CAMSAP2: variants seen among roughly 807,000 people sequenced by gnomAD.
CAMSAP2 encodes calmodulin regulated spectrin associated protein family member 2.
Under a neutral mutation model 146.1 loss-of-function variants are expected in CAMSAP2, and 26 were observed. That is an observed-to-expected ratio of 0.18 (90% CI 0.13 to 0.25). CAMSAP2 has a LOEUF of 0.25. Ranked by LOEUF, CAMSAP2 falls within the 10% of genes least tolerant of loss-of-function variation. The pLI is 1.00. For synonymous variants in CAMSAP2, 499 were observed against 596.6 expected, an observed-to-expected ratio of 0.84 and a Z score of 2.38; for missense variants, 1,381 against 1,759.3, an observed-to-expected ratio of 0.78 and a Z score of 3.85.
intron 3 of CAMSAP2, among the ~76,000 whole-genome samples, chr1:200,808,831 T>C (rs1016138267): frequency 6.6e-6 from 1 of 152,252 alleles, no homozygotes; most frequent in Non-Finnish European, 1.5e-5. Context: ...TTATTGGACT[T>C]CATATTTGTC....
chr1:200,801,205 G>A (rs926946544), intron 2 of CAMSAP2, among the ~76,000 whole-genome samples: 3 of 151,762 alleles, frequency 2.0e-5, no homozygotes, highest in South Asian at 2.1e-4. Flanking sequence ...TGGAGGTTGC[G>A]GTGAGCTGAG....
intron 14 of CAMSAP2, 138 bp from the exon 15 acceptor site, chr1:200,855,872 G>C: frequency 1.7e-6 from 1 of 604,068 alleles, no homozygotes. Context: ...TGGGATTACA[G>C]GCATGAGCCA....
intron 2 of CAMSAP2, among the ~76,000 whole-genome samples, chr1:200,783,441 A>T (rs893301514): frequency 7.2e-5 from 11 of 152,138 alleles, no homozygotes; most frequent in African/African-American, 2.4e-4. Context: ...TGACAAATAC[A>T]TGCATTGCAG....
At chr1:200,779,792 T>C (rs1407130406) in intron 2 of CAMSAP2, among the ~76,000 whole-genome samples, 2 of 152,170 alleles carry the variant, frequency 1.3e-5, no homozygotes, top group African/African-American at 2.4e-5. Context: ...TGGTCTTATA[T>C]CTCAGATTGG....
chr1:200,842,897 A>G (rs1667362268), intron 7 of CAMSAP2, among the ~76,000 whole-genome samples: 1 of 151,090 alleles, frequency 6.6e-6, no homozygotes. Flanking sequence ...AGTTACTTGA[A>G]CCCAGGAGGC....
At chr1:200,763,409 C>T (rs776844522) in intron 2 of CAMSAP2, among the ~76,000 whole-genome samples, 16 of 151,868 alleles carry the variant, frequency 1.1e-4, no homozygotes, top group African/African-American at 2.2e-4. Context: ...TGTGGTAGTG[C>T]GCGCCTGTAG....
chr1:200,852,747 G>T, intron 12 of CAMSAP2, 70 bp downstream of exon 12: 1 of 1,490,998 alleles, frequency 6.7e-7, no homozygotes, highest in East Asian at 2.3e-5. Context: ...AGAAAAAGTT[G>T]GTAAGTACTC....
At chr1:200,760,609 T>A (rs561299180) in intron 1 of CAMSAP2, among the ~76,000 whole-genome samples, 3 of 152,350 alleles carry the variant, frequency 2.0e-5, no homozygotes, top group African/African-American at 7.2e-5. Context: ...TGTCTTGTAG[T>A]CCCTTTTTGG....
At chr1:200,768,810 C>A (rs763717670) in intron 2 of CAMSAP2, among the ~76,000 whole-genome samples, 1 of 151,940 alleles carries the variant, frequency 6.6e-6, no homozygotes, top group Non-Finnish European at 1.5e-5. Flanking sequence ...TGTGCCACCA[C>A]GCCTGGCTAA....
chr1:200,838,016 AAAG>A (rs1419103940), intron 6 of CAMSAP2, among the ~76,000 whole-genome samples: 1 of 152,170 alleles, frequency 6.6e-6, no homozygotes, highest in East Asian at 1.9e-4. Context: ...TAAAAGAAGG[AAAG>A]AAGAAGCTTT....
rs1664093166 is a variant in CAMSAP2 at position 200,739,700 on chromosome 1, G to T, written c.-128G>T. 1 of 878,220 alleles carries T rather than the reference G, an allele frequency of 1.1e-6. No individual in the cohort carries two copies. Among genetic ancestry groups the T allele is most frequent in the Non-Finnish European group, 1.5e-6 (1 of 646,126 alleles). 54.4% of individuals were successfully genotyped at this position (878,220 alleles called of 1,614,324 possible). A position where few individuals can be genotyped will look rare whatever the true frequency, so the allele number is the denominator to read the frequency against. ...ACAGCTGAGCTTCTCCTCCGTCGGC[G>T]CCCGGGCGGACATCGCCCGGGCCCC... On this transcript the variant is annotated 5_prime_UTR_variant, in exon 1 of 17. Coordinates refer to ENST00000358823, the MANE Select transcript of CAMSAP2 (RefSeq NM_203459.4). This position sits in a 1 kb window ranked among gnomAD's most constrained non-coding sequence, Gnocchi z 4.8.
rs771004555 is a variant in CAMSAP2 at position 200,760,914 on chromosome 1, T to C, written c.215T>C (p.Val72Ala). ...CAGGAACACATCAAACCACCTGTTG[T>C]TAATTTGCTTCTATCGGCTGAACTA... ...YDQEHIKPPV[V>A]NLLLSAELYC... Residue 72 changes from valine to alanine, a missense_variant, in exon 2 of 17, where the codon GTT (valine) becomes GCT (alanine). This residue lies in a region of CAMSAP2 where 284 missense variants were observed against 406.9 expected (regional missense o/e 0.70). Transcript: ENST00000358823. 27 of 1,614,202 alleles carry C rather than the reference T, an allele frequency of 1.7e-5. No homozygotes were observed. In the South Asian group the frequency reaches 2.4e-4, roughly 14 times the overall value.
At chr1:200,826,361 G>A (rs1666906684) in intron 4 of CAMSAP2, among the ~76,000 whole-genome samples, 1 of 151,958 alleles carries the variant, frequency 6.6e-6, no homozygotes, top group South Asian at 2.1e-4. Context: ...GAACCTGGGA[G>A]GCAGAGGTTG....
At position 200,761,020 on chromosome 1, in the gene CAMSAP2, A is replaced by G; in HGVS notation, c.321A>G (p.Leu107=). The G allele has an allele frequency of 2.5e-6, 4 of 1,614,180 alleles. No individual in the cohort carries two copies. Among genetic ancestry groups the G allele is most frequent in the Non-Finnish European group, 3.4e-6 (4 of 1,180,014 alleles). ...LLGHDAVIQA[L]AQKGLYVTDQ... ...GCCATGATGCTGTAATCCAGGCTTTAGCACAGAAAGGTCTTTATGTCACTG... is the reference window on the plus strand; with the variant it reads ...GCCATGATGCTGTAATCCAGGCTTTGGCACAGAAAGGTCTTTATGTCACTG... The change falls in exon 2 of 17, where the codon TTA becomes TTG. Residue 107 remains leucine, a synonymous_variant. Coordinates refer to ENST00000358823, the MANE Select transcript of CAMSAP2 (RefSeq NM_203459.4).
chr1:200,798,255 G>C (rs1665940091), intron 2 of CAMSAP2, among the ~76,000 whole-genome samples: 2 of 143,528 alleles, frequency 1.4e-5, no homozygotes. Context: ...AATTACCTTG[G>C]GCAGTATGGC....
chr1:200,749,426 A>C (rs948234290), intron 1 of CAMSAP2, among the ~76,000 whole-genome samples: 6 of 141,312 alleles, frequency 4.2e-5, no homozygotes, highest in Non-Finnish European at 3.0e-5. Flanking sequence ...TATCATGCTC[A>C]TGTGTTCATT....
chr1:200,784,114 A>G (rs1418133055), intron 2 of CAMSAP2, among the ~76,000 whole-genome samples: 1 of 151,962 alleles, frequency 6.6e-6, no homozygotes, highest in Middle Eastern at 3.2e-3. Flanking sequence ...ACTGACGTCG[A>G]CACCTGTGTC....
chr1:200,823,219 TA>T (rs1446695741), intron 4 of CAMSAP2, among the ~76,000 whole-genome samples: 7 of 152,314 alleles, frequency 4.6e-5, no homozygotes, highest in African/African-American at 1.7e-4. Flanking sequence ...CCTGTCTATA[TA>T]ATATTTCTCT....
intron 8 of CAMSAP2, among the ~76,000 whole-genome samples, chr1:200,845,368 T>C (rs1290907715): frequency 6.6e-6 from 1 of 152,074 alleles, no homozygotes; most frequent in East Asian, 1.9e-4. Context: ...AAGGAGGATT[T>C]AACAAGACGA....
Sources: allele counts gnomAD v4.1 joint callset (sites outside exome capture counted in the v4.1 genomes callset), GRCh38; gene constraint gnomAD v4.1.1; regional missense constraint gnomAD v4.1.1; non-coding constraint Gnocchi (gnomAD v3.1); transcripts MANE v1.5; gene names NCBI Gene and HGNC (gene_info 2026-07-23, HGNC 2026-07-21).